Variants in WNT3 observed in about 807,000 individuals in gnomAD.
WNT3 encodes the protein Wnt family member 3.
In WNT3, 7 loss-of-function variants were observed where a neutral mutation model predicts 34.2. The ratio of observed to expected loss-of-function variants is 0.20; its 90% CI spans 0.12 to 0.38. The LOEUF (loss-of-function observed/expected upper bound fraction) is 0.38, where lower values mean the gene tolerates loss of function less well. Ranked by LOEUF, WNT3 falls within the 10% of genes least tolerant of loss-of-function variation. WNT3 has a pLI of 1.00. For missense variants in WNT3, 267 were observed against 499.8 expected (o/e 0.53, Z 4.44); for synonymous variants, 212 against 211.5 (o/e 1.00, Z -0.02).
At chr17:46,783,095 G>A (rs2059475722) in intron 1 of WNT3, among the ~76,000 whole-genome samples, 1 of 152,308 alleles carries the variant, frequency 6.6e-6, no homozygotes, top group Non-Finnish European at 1.5e-5. Flanking sequence ...CTCTCAACGG[G>A]GCCCTCTGGC....
intron 2 of WNT3, among the ~76,000 whole-genome samples, chr17:46,772,702 CCCTGAGCA>C (rs1449407852): frequency 1.3e-4 from 20 of 152,308 alleles, no homozygotes; most frequent in Non-Finnish European, 2.5e-4. Context: ...GTGGGACAGA[CCCTGAGCA>C]CCTGAGGCAC....
intron 1 of WNT3, among the ~76,000 whole-genome samples, chr17:46,793,471 G>A (rs191820): frequency 3.3e-5 from 5 of 151,840 alleles, no homozygotes; most frequent in East Asian, 1.9e-4. Flanking sequence ...TTTTTCTTTC[G>A]AATGTTGGTG....
At chr17:46,787,735 A>G (rs1225137802) in intron 1 of WNT3, among the ~76,000 whole-genome samples, 2 of 152,160 alleles carry the variant, frequency 1.3e-5, no homozygotes, top group Admixed American at 1.3e-4. Context: ...AGGCAGATCA[A>G]CTGAAGTCAG....
intron 2 of WNT3, among the ~76,000 whole-genome samples, chr17:46,771,754 CCCGCCCCCGCG>C (rs958926401): frequency 2.3e-4 from 11 of 47,570 alleles, no homozygotes; most frequent in African/African-American, 3.5e-4. Context: ...AGCGGCGCCC[CCCGCCCCCGCG>C]CCGCGCCGCG....
chr17:46,789,326 G>A (rs1371083393), intron 1 of WNT3, among the ~76,000 whole-genome samples: 2 of 152,196 alleles, frequency 1.3e-5, no homozygotes, highest in East Asian at 3.9e-4. Flanking sequence ...CTGACCAGCT[G>A]GCTACTGGGG....
At chr17:46,810,470 G>A (rs909020939) in intron 1 of WNT3, among the ~76,000 whole-genome samples, 1 of 152,202 alleles carries the variant, frequency 6.6e-6, no homozygotes, top group African/African-American at 2.4e-5. Flanking sequence ...TCAGGTCTGA[G>A]GCCAACTGGT....
At chr17:46,784,225 G>A (rs976194816) in intron 1 of WNT3, among the ~76,000 whole-genome samples, 3 of 152,200 alleles carry the variant, frequency 2.0e-5, no homozygotes, top group Non-Finnish European at 2.9e-5. Flanking sequence ...TATGGCCAAA[G>A]TTTTGAGCCA....
At chr17:46,776,681 G>A (rs2059415150) in intron 1 of WNT3, among the ~76,000 whole-genome samples, 2 of 152,108 alleles carry the variant, frequency 1.3e-5, no homozygotes, top group South Asian at 4.1e-4. Flanking sequence ...AGGGGAAACT[G>A]AGGGAGAGTT....
chr17:46,779,586 G>C (rs2059443147), intron 1 of WNT3, among the ~76,000 whole-genome samples: 1 of 152,146 alleles, frequency 6.6e-6, no homozygotes, highest in African/African-American at 2.4e-5. Flanking sequence ...TGGAAACTTT[G>C]GTGTTGACCC....
intron 1 of WNT3, among the ~76,000 whole-genome samples, chr17:46,779,500 C>T (rs767456312): frequency 2.6e-5 from 4 of 152,240 alleles, no homozygotes; most frequent in Admixed American, 6.5e-5. Flanking sequence ...CGACCACCCA[C>T]TGCCCAGCTG....
intron 1 of WNT3, among the ~76,000 whole-genome samples, chr17:46,807,002 A>T (rs974919947): frequency 3.3e-5 from 5 of 152,148 alleles, no homozygotes; most frequent in African/African-American, 1.2e-4. Flanking sequence ...GGGTGGGAGG[A>T]ACCAGTTGTG....
intron 1 of WNT3, among the ~76,000 whole-genome samples, chr17:46,806,833 C>A (rs1158432233): frequency 6.6e-6 from 1 of 152,264 alleles, no homozygotes; most frequent in East Asian, 1.9e-4. Flanking sequence ...CCGCTCCCCT[C>A]TGCTCCTCCT....
At chr17:46,773,616 T>TGGGGGGGGGGGGGGGGGGGGGGGGGGGG in intron 2 of WNT3, 52 bp downstream of exon 2, 1 of 997,790 alleles carries the variant, frequency 1.0e-6, no homozygotes, top group Non-Finnish European at 1.5e-6. Flanking sequence ...CATACAGTCC[T>TGGGGGGGGGGGGGGGGGGGGGGGGGGGG]GATCCCTCCC....
rs779422000 is a variant in WNT3 at position 46,773,843 on chromosome 17, T to A, written c.147A>T (p.Pro49=). The A allele has an allele frequency of 6.2e-6, 10 of 1,613,006 alleles. No homozygotes were observed. The African/African-American group carries it at 1.2e-4, about 19-fold the overall frequency. The change falls in exon 2 of 5, where the codon CCA becomes CCT. Residue 49 remains proline, a synonymous_variant. Transcript: ENST00000225512. Reference sequence around the variant, plus strand: ...AGCGCAGTTGCTTGGGGACCAGGCCTGGGATGGAGCCGCAGAGCAGGGGCT... The same window carrying A: ...AGCGCAGTTGCTTGGGGACCAGGCCAGGGATGGAGCCGCAGAGCAGGGGCT... ...GSQPLLCGSI[P]GLVPKQLRFC...
At chr17:46,817,330 C>A (rs981242310) in intron 1 of WNT3, among the ~76,000 whole-genome samples, 4 of 152,218 alleles carry the variant, frequency 2.6e-5, no homozygotes, top group African/African-American at 9.6e-5. Flanking sequence ...GGGGCCACAG[C>A]CCACTTCTCA....
chr17:46,816,111 G>A (rs887490998), intron 1 of WNT3, among the ~76,000 whole-genome samples: 3 of 35,176 alleles, frequency 8.5e-5, no homozygotes, highest in Non-Finnish European at 1.7e-4. Context: ...GCGCGCGCAC[G>A]TACACACACA....
chr17:46,813,539 C>T (rs942725067), intron 1 of WNT3, among the ~76,000 whole-genome samples: 3 of 151,630 alleles, frequency 2.0e-5, no homozygotes, highest in Non-Finnish European at 4.4e-5. Flanking sequence ...GATGTCTTGC[C>T]CTCCTTGGCA....
chr17:46,772,017 C>T (rs1295149503), intron 2 of WNT3, among the ~76,000 whole-genome samples: 1 of 151,528 alleles, frequency 6.6e-6, no homozygotes, highest in Non-Finnish European at 1.5e-5. Flanking sequence ...GCTGCCCGAC[C>T]CGCTGCGCCC....
chr17:46,788,714 C>T (rs1400360362), intron 1 of WNT3, among the ~76,000 whole-genome samples: 2 of 152,076 alleles, frequency 1.3e-5, no homozygotes, highest in African/African-American at 4.8e-5. Flanking sequence ...AATCTAGCAC[C>T]TGCTTCAGCA....
Sources: gnomAD v4.1 joint callset for allele counts (sites outside exome capture counted in the v4.1 genomes callset) on GRCh38, gnomAD v4.1.1 for gene constraint, MANE v1.5 for transcripts, NCBI Gene and HGNC (gene_info 2026-07-23, HGNC 2026-07-21) for gene names.